The following FOXP1 variants were observed in gnomAD, a reference collection of about 807,000 sequenced individuals.
FOXP1 encodes the protein forkhead box protein P1.
In FOXP1, 15 loss-of-function variants were observed where a neutral mutation model predicts 98.2. The ratio of observed to expected loss-of-function variants is 0.15; its 90% CI spans 0.10 to 0.24. The LOEUF (loss-of-function observed/expected upper bound fraction) is 0.24, where lower values mean the gene tolerates loss of function less well. FOXP1 is among the 10% of genes least tolerant of loss of function. FOXP1 has a pLI of 1.00. For synonymous variants in FOXP1, 371 were observed against 314.5 expected, an observed-to-expected ratio of 1.18 and a Z score of -1.90; for missense variants, 633 against 848.5, an observed-to-expected ratio of 0.75 and a Z score of 3.15.
intron 6 of FOXP1, among the ~76,000 whole-genome samples, chr3:71,135,056 C>A (rs1399128162): frequency 6.6e-6 from 1 of 151,878 alleles, no homozygotes; most frequent in Non-Finnish European, 1.5e-5. Context: ...CAAAAGAGAT[C>A]GAGACCATCC....
At chr3:71,466,308 T>C (rs2108564395) in intron 3 of FOXP1, among the ~76,000 whole-genome samples, 1 of 152,318 alleles carries the variant, frequency 6.6e-6, no homozygotes, top group African/African-American at 2.4e-5. Context: ...AGCTGCTAAC[T>C]TTTCTCCAGA....
At chr3:71,104,532 T>C (rs1031532959) in intron 7 of FOXP1, among the ~76,000 whole-genome samples, 9 of 152,244 alleles carry the variant, frequency 5.9e-5, no homozygotes, top group Non-Finnish European at 1.3e-4. Flanking sequence ...CTGGGGACTT[T>C]AAAAATCCAA....
intron 3 of FOXP1, among the ~76,000 whole-genome samples, chr3:71,400,838 T>G (rs2081913458): frequency 6.6e-6 from 1 of 152,148 alleles, no homozygotes; most frequent in Non-Finnish European, 1.5e-5. Flanking sequence ...CCCTGCAATT[T>G]TTTTGAGGAA....
intron 6 of FOXP1, among the ~76,000 whole-genome samples, chr3:71,123,676 C>T (rs2058945752): frequency 6.6e-6 from 1 of 152,216 alleles, no homozygotes; most frequent in Non-Finnish European, 1.5e-5. Context: ...TCCTGACCCA[C>T]TCGGCATGGC....
intron 6 of FOXP1, among the ~76,000 whole-genome samples, chr3:71,158,211 G>C (rs1198725891): frequency 6.6e-6 from 1 of 150,964 alleles, no homozygotes; most frequent in Non-Finnish European, 1.5e-5. Flanking sequence ...GAAAGGGAAA[G>C]AAAGAAAAAA....
chr3:71,578,810 G>A (rs1472027849), intron 2 of FOXP1, among the ~76,000 whole-genome samples: 1 of 152,112 alleles, frequency 6.6e-6, no homozygotes, highest in Non-Finnish European at 1.5e-5. Flanking sequence ...CTTTAAAAAG[G>A]CAAAGAAAAA....
At chr3:71,519,664 CA>C (rs1290816038) in intron 2 of FOXP1, among the ~76,000 whole-genome samples, 2 of 152,196 alleles carry the variant, frequency 1.3e-5, no homozygotes, top group Non-Finnish European at 2.9e-5. Context: ...ATGCCAAATT[CA>C]AAACTCAGTC....
At chr3:71,082,415 G>A (rs1182251892) in intron 7 of FOXP1, among the ~76,000 whole-genome samples, 2 of 150,826 alleles carry the variant, frequency 1.3e-5, no homozygotes, top group Non-Finnish European at 3.0e-5. Context: ...TCGTAAGTGG[G>A]AGCTGAACAA....
At chr3:71,081,857 GCTAT>G (rs1481302829) in intron 7 of FOXP1, among the ~76,000 whole-genome samples, 9 of 152,170 alleles carry the variant, frequency 5.9e-5, no homozygotes, top group African/African-American at 1.9e-4. Context: ...GTCACAAATG[GCTAT>G]CTAAATTTAA....
intron 3 of FOXP1, among the ~76,000 whole-genome samples, chr3:71,370,568 G>A (rs2079225666): frequency 6.6e-6 from 1 of 152,120 alleles, no homozygotes; most frequent in African/African-American, 2.4e-5. Flanking sequence ...CAAGACGCAG[G>A]TTCCGATCGG....
intron 3 of FOXP1, among the ~76,000 whole-genome samples, chr3:71,373,086 G>T (rs2079459645): frequency 6.6e-6 from 1 of 152,100 alleles, no homozygotes. Flanking sequence ...GGACGACTCC[G>T]AAAAACCACT....
At chr3:70,966,939 C>T (rs2034919590) in intron 19 of FOXP1, among the ~76,000 whole-genome samples, 1 of 152,192 alleles carries the variant, frequency 6.6e-6, no homozygotes, top group Admixed American at 6.5e-5. Flanking sequence ...ACATATACCA[C>T]TGGACTAAGT....
chr3:71,270,923 C>T (rs1330132579), intron 5 of FOXP1, among the ~76,000 whole-genome samples: 1 of 152,256 alleles, frequency 6.6e-6, no homozygotes, highest in Non-Finnish European at 1.5e-5. Context: ...AATGCTACTG[C>T]ACCCATCTGT....
intron 5 of FOXP1, among the ~76,000 whole-genome samples, chr3:71,242,673 CA>C (rs1408713957): frequency 3.3e-5 from 5 of 151,300 alleles, no homozygotes; most frequent in African/African-American, 1.2e-4. Flanking sequence ...CATTTCTTAA[CA>C]ACGTACCCCA....
intron 12 of FOXP1, among the ~76,000 whole-genome samples, chr3:71,012,166 T>G (rs1307130384): frequency 1.3e-5 from 2 of 152,184 alleles, no homozygotes; most frequent in Admixed American, 1.3e-4. Flanking sequence ...TTTATAACAA[T>G]AAATCATATT....
chr3:71,179,134 C>CT (rs34816512), intron 6 of FOXP1, among the ~76,000 whole-genome samples: 2,712 of 124,684 alleles, frequency 0.022, 138 homozygotes, highest in African/African-American at 0.065. Flanking sequence ...TCTTAACAAT[C>CT]TTTTTTTTTT....
intron 3 of FOXP1, among the ~76,000 whole-genome samples, chr3:71,401,433 C>T (rs983835783): frequency 1.3e-5 from 2 of 152,122 alleles, no homozygotes; most frequent in Non-Finnish European, 2.9e-5. Context: ...TTCGTGTTGT[C>T]CCCAGAAGCT....
intron 3 of FOXP1, among the ~76,000 whole-genome samples, chr3:71,476,069 TC>T (rs2089809797): frequency 6.6e-6 from 1 of 152,132 alleles, no homozygotes; most frequent in East Asian, 1.9e-4. Flanking sequence ...AAGCAGATTA[TC>T]CGATAGCATT....
At chr3:71,096,378 T>C (rs2056457054) in intron 7 of FOXP1, among the ~76,000 whole-genome samples, 2 of 152,166 alleles carry the variant, frequency 1.3e-5, no homozygotes. Flanking sequence ...TTCCGGAGCC[T>C]AACTGTGAGT....
Sources: allele counts gnomAD v4.1 joint callset (sites outside exome capture counted in the v4.1 genomes callset), GRCh38; gene constraint gnomAD v4.1.1; transcripts MANE v1.5; gene names NCBI Gene and HGNC (gene_info 2026-07-23, HGNC 2026-07-21).